Variants in SGMS1 observed in about 807,000 individuals in gnomAD.
SGMS1 encodes sphingomyelin synthase 1.
A neutral mutation model predicts 46.2 loss-of-function variants in SGMS1; 13 were observed. The observed-to-expected ratio is 0.28, with a 90% CI of 0.18 to 0.45. The LOEUF is 0.45. Among genes scored for constraint, SGMS1 ranks in the 20% least tolerant of loss-of-function variants. The pLI is 1.00. For synonymous variants in SGMS1, 203 were observed against 187.8 expected (o/e 1.08, Z -0.66); for missense variants, 324 against 519.9 (o/e 0.62, Z 3.66).
intron 6 of SGMS1, among the ~76,000 whole-genome samples, chr10:50,389,942 C>T (rs1256031589): frequency 6.6e-6 from 1 of 152,166 alleles, no homozygotes; most frequent in Non-Finnish European, 1.5e-5. Flanking sequence ...GGTTTCACAA[C>T]ATTTAGTTAA....
intron 6 of SGMS1, among the ~76,000 whole-genome samples, chr10:50,418,880 A>G (rs1849217949): frequency 6.6e-6 from 1 of 152,206 alleles, no homozygotes; most frequent in Non-Finnish European, 1.5e-5. Context: ...GTCCCCCCAT[A>G]TGCAGTTTCT....
chr10:50,436,433 G>C (rs1400862936), intron 5 of SGMS1, among the ~76,000 whole-genome samples: 1 of 152,202 alleles, frequency 6.6e-6, no homozygotes, highest in East Asian at 1.9e-4. Flanking sequence ...AGCAGTGGGA[G>C]TGGGGAAGGG....
At chr10:50,563,026 G>C (rs142479916) in intron 2 of SGMS1, among the ~76,000 whole-genome samples, 197 of 152,318 alleles carry the variant, frequency 1.3e-3, no homozygotes, top group Middle Eastern at 6.8e-3. Context: ...CTGCATTAAA[G>C]TTCCCGACAG....
intron 7 of SGMS1, among the ~76,000 whole-genome samples, chr10:50,336,661 A>C (rs1378744296): frequency 1.3e-5 from 2 of 152,252 alleles, no homozygotes; most frequent in Admixed American, 1.3e-4. Flanking sequence ...TGTTAAAAAA[A>C]AATACATCTC....
intron 2 of SGMS1, among the ~76,000 whole-genome samples, chr10:50,542,053 T>A (rs909541047): frequency 6.6e-6 from 1 of 152,156 alleles, no homozygotes; most frequent in Non-Finnish European, 1.5e-5. Flanking sequence ...TATCTTTTCT[T>A]AAAATCCTCC....
chr10:50,307,590 T>A lies in SGMS1; in HGVS notation c.1063-269A>T, dbSNP rs1865746. 0.21 allele frequency among the ~76,000 whole-genome samples: 31,897 copies of A among 152,072 alleles called. 3,629 individuals carry two copies. The highest frequency in any genetic ancestry group is 0.32 in the East Asian group (1,633 of 5,160). ...CTTATAAATAAACACCTCAGTTAGC[T>A]TTTTAGGTATTCCTCTTCTATGCTA... On this transcript the variant is annotated intron_variant, in intron 10 of 10. Transcript: ENST00000361781. The surrounding 1 kb of genome is among the most constrained non-coding windows in gnomAD (Gnocchi z 4.2).
At chr10:50,382,592 C>CACACACA (rs1360299354) in intron 6 of SGMS1, among the ~76,000 whole-genome samples, 15 of 149,360 alleles carry the variant, frequency 1.0e-4, no homozygotes, top group East Asian at 5.9e-4. Context: ...CACACACACA[C>CACACACA]AACTTCCCCA....
chr10:50,487,339 G>T (rs748140267), intron 3 of SGMS1, among the ~76,000 whole-genome samples: 1 of 152,138 alleles, frequency 6.6e-6, no homozygotes. Context: ...TCAGGGGAAG[G>T]GGGTGGAGGG....
At chr10:50,421,863 T>C (rs1326281427) in intron 6 of SGMS1, among the ~76,000 whole-genome samples, 1 of 152,160 alleles carries the variant, frequency 6.6e-6, no homozygotes, top group Non-Finnish European at 1.5e-5. Context: ...TGCAGGTGGC[T>C]CCCATGTTGG....
intron 5 of SGMS1, among the ~76,000 whole-genome samples, chr10:50,448,959 G>A (rs566024719): frequency 1.1e-3 from 162 of 152,064 alleles, no homozygotes; most frequent in African/African-American, 3.8e-3. Flanking sequence ...TATGAAAAGG[G>A]CTCCACATAA....
chr10:50,325,693 G>C (rs892216209), intron 8 of SGMS1, among the ~76,000 whole-genome samples: 1 of 152,226 alleles, frequency 6.6e-6, no homozygotes, highest in Non-Finnish European at 1.5e-5. Context: ...TTTAGAACCA[G>C]AGTAGGGAGA....
chr10:50,319,707 C>T (rs1317759660), intron 8 of SGMS1, among the ~76,000 whole-genome samples: 1 of 152,152 alleles, frequency 6.6e-6, no homozygotes, highest in Non-Finnish European at 1.5e-5. Context: ...CAGGAGTATT[C>T]CCGAGATGAT....
chr10:50,314,339 G>A (rs1847305006), intron 8 of SGMS1, among the ~76,000 whole-genome samples: 1 of 152,064 alleles, frequency 6.6e-6, no homozygotes, highest in Non-Finnish European at 1.5e-5. Context: ...GTAGTGCAGG[G>A]GAAGAGCAGG....
At chr10:50,311,239 C>A (rs1450639253) in intron 9 of SGMS1, 23 bp downstream of exon 9, 2 of 1,599,734 alleles carry the variant, frequency 1.3e-6, no homozygotes, top group Admixed American at 3.4e-5. Context: ...GAGGAAATTA[C>A]AATGGAAGTC....
chr10:50,618,604 T>C (rs887474306), intron 1 of SGMS1, among the ~76,000 whole-genome samples: 2 of 152,178 alleles, frequency 1.3e-5, no homozygotes, highest in Middle Eastern at 3.4e-3. Context: ...CCACCAAACA[T>C]TGGTAAAACT....
At chr10:50,462,912 T>C (rs532541796) in intron 4 of SGMS1, among the ~76,000 whole-genome samples, 4 of 151,978 alleles carry the variant, frequency 2.6e-5, no homozygotes, top group African/African-American at 4.8e-5. Flanking sequence ...TAGGAAATGA[T>C]GGAGCTTCTG....
intron 1 of SGMS1, among the ~76,000 whole-genome samples, chr10:50,622,508 G>C (rs1159878038): frequency 6.6e-6 from 1 of 152,120 alleles, no homozygotes; most frequent in South Asian, 2.1e-4. Context: ...AAACCTAAAA[G>C]CAAAATAACC....
At chr10:50,374,679 C>A (rs1325738765) in intron 6 of SGMS1, among the ~76,000 whole-genome samples, 1 of 152,124 alleles carries the variant, frequency 6.6e-6, no homozygotes, top group African/African-American at 2.4e-5. Flanking sequence ...CTGACCTCAT[C>A]CTCTTCCCTC....
At chr10:50,352,027 C>A (rs977466190) in intron 6 of SGMS1, among the ~76,000 whole-genome samples, 2 of 152,072 alleles carry the variant, frequency 1.3e-5, no homozygotes, top group South Asian at 4.2e-4. Flanking sequence ...TTCTGACCCA[C>A]GAGTAAAGAG....
Sources: allele counts gnomAD v4.1 joint callset (sites outside exome capture counted in the v4.1 genomes callset), GRCh38; gene constraint gnomAD v4.1.1; non-coding constraint Gnocchi (gnomAD v3.1); transcripts MANE v1.5; gene names NCBI Gene and HGNC (gene_info 2026-07-23, HGNC 2026-07-21).